The following ATXN8OS variants were observed in gnomAD, a reference collection of about 807,000 sequenced individuals.
ATXN8OS encodes the protein ATXN8 opposite strand (non-protein coding).
chr13:70,107,583 T>C (rs111444961), upstream of ATXN8OS: 1 of 1,603,552 alleles, frequency 6.2e-7, no homozygotes, highest in South Asian at 1.1e-5. Context: ...TGCCGTCCTG[T>C]TGCAGGCAGC....
intron 3 of ATXN8OS, among the ~76,000 whole-genome samples, chr13:70,146,823 G>C (rs1358094503): frequency 6.6e-6 from 1 of 151,834 alleles, no homozygotes; most frequent in African/African-American, 2.4e-5. Flanking sequence ...TAAATGACAA[G>C]TTAATGGGTG....
At chr13:70,135,518 C>A (rs548675923) in intron 3 of ATXN8OS, among the ~76,000 whole-genome samples, 22 of 152,068 alleles carry the variant, frequency 1.4e-4, no homozygotes, top group Non-Finnish European at 2.5e-4. Flanking sequence ...GTGGTAATGT[C>A]CAGATTTCTA....
chr13:70,127,996 T>C (rs914334113), intron 2 of ATXN8OS, among the ~76,000 whole-genome samples: 2 of 152,008 alleles, frequency 1.3e-5, no homozygotes, highest in Non-Finnish European at 2.9e-5. Context: ...TAATGAACAA[T>C]GTTGTTACAT....
chr13:70,107,958 G>T (rs1888117829), exon 1 of ATXN8OS: 1 of 452,146 alleles, frequency 2.2e-6, no homozygotes, highest in Non-Finnish European at 3.9e-6. Flanking sequence ...GCAGAGGCAG[G>T]ACTGGGACGC....
intron 1 of ATXN8OS, among the ~76,000 whole-genome samples, chr13:70,113,309 A>C (rs1411714507): frequency 7.1e-6 from 1 of 140,920 alleles, no homozygotes; most frequent in Non-Finnish European, 1.6e-5. Context: ...AGATATAGAT[A>C]AATGTAATAT....
At chr13:70,159,554 G>T (rs899973117) in intron 4 of ATXN8OS, among the ~76,000 whole-genome samples, 1 of 151,946 alleles carries the variant, frequency 6.6e-6, no homozygotes, top group Non-Finnish European at 1.5e-5. Flanking sequence ...ATTCCCACGT[G>T]CATACCATAC....
chr13:70,160,943 G>A (rs1399040588), intron 4 of ATXN8OS, among the ~76,000 whole-genome samples: 1 of 150,182 alleles, frequency 6.7e-6, no homozygotes, highest in Non-Finnish European at 1.5e-5. Context: ...ACTTTCAGGT[G>A]GACCGACACA....
Position 70,131,212 on chromosome 13 carries a change from C to CATGT in ATXN8OS, n.499+1331_499+1334dup, listed in dbSNP as rs371891000. On this transcript the variant is annotated intron_variant and non_coding_transcript_variant, in intron 3 of 4. Transcript: ENST00000678624. ...AGAAGTATATCTGTCACAATGTGTA[C>CATGT]ATGTATACATCCTAAATATTTGTAC... is the stretch of plus-strand genomic sequence containing the variant. 5.4e-5 allele frequency: 21 copies of CATGT among 390,936 alleles called. 1 individual carries two copies. Among genetic ancestry groups the CATGT allele is most frequent in the African/African-American group, 4.4e-4 (20 of 45,522 alleles). The allele number at this position is 390,936 out of a possible 1,614,324, so 24.2% of individuals were successfully genotyped here. A position where few individuals can be genotyped will look rare whatever the true frequency, so the allele number is the denominator to read the frequency against.
chr13:70,107,577 G>A (rs141447437), upstream of ATXN8OS: 128 of 1,605,060 alleles, frequency 8.0e-5, 2 homozygotes, highest in Middle Eastern at 6.7e-4. Context: ...TGCCACTGCC[G>A]TCCTGTTGCA....
At chr13:70,149,632 T>C (rs985578877) in intron 4 of ATXN8OS, among the ~76,000 whole-genome samples, 3 of 152,156 alleles carry the variant, frequency 2.0e-5, no homozygotes, top group African/African-American at 7.2e-5. Context: ...TACTTAAATA[T>C]TTACTGAATA....
chr13:70,130,105 T>C (rs1044473029), intron 3 of ATXN8OS, among the ~76,000 whole-genome samples: 1 of 152,162 alleles, frequency 6.6e-6, no homozygotes, highest in Non-Finnish European at 1.5e-5. Context: ...TAAGCTTCAC[T>C]AAGTATCCAG....
At chr13:70,140,326 A>G (rs1444534800) in intron 3 of ATXN8OS, among the ~76,000 whole-genome samples, 1 of 152,110 alleles carries the variant, frequency 6.6e-6, no homozygotes, top group East Asian at 1.9e-4. Context: ...GATAAATTTG[A>G]AGAATTTATT....
intron 2 of ATXN8OS, among the ~76,000 whole-genome samples, chr13:70,120,830 C>A (rs1225200331): frequency 1.4e-5 from 2 of 147,180 alleles, no homozygotes; most frequent in South Asian, 2.2e-4. Flanking sequence ...GACAAAAAAC[C>A]AAACATCACA....
chr13:70,108,166 C>T (rs569396846), intron 1 of ATXN8OS: 11 of 399,740 alleles, frequency 2.8e-5, no homozygotes, highest in African/African-American at 8.2e-5. Context: ...CTTGTCCTTG[C>T]AGCTCAGAGT....
chr13:70,120,635 A>G (rs923973620), intron 2 of ATXN8OS, among the ~76,000 whole-genome samples: 3 of 152,320 alleles, frequency 2.0e-5, no homozygotes, highest in African/African-American at 7.2e-5. Flanking sequence ...AAATAGCTCA[A>G]TGTTTTGGTA....
At chr13:70,147,372 G>A (rs1021125286) in exon 4 of ATXN8OS, among the ~76,000 whole-genome samples, 2 of 152,094 alleles carry the variant, frequency 1.3e-5, no homozygotes, top group African/African-American at 2.4e-5. Context: ...TCTGGATAAA[G>A]TGCGAAGGAG....
intron 4 of ATXN8OS, among the ~76,000 whole-genome samples, chr13:70,152,443 ATGTATG>A (rs996281366): frequency 2.6e-4 from 39 of 151,950 alleles, no homozygotes; most frequent in African/African-American, 8.7e-4. Context: ...ATATATGTGT[ATGTATG>A]TGTATATGTG....
chr13:70,135,584 G>A (rs1888602150), intron 3 of ATXN8OS, among the ~76,000 whole-genome samples: 1 of 152,036 alleles, frequency 6.6e-6, no homozygotes, highest in Non-Finnish European at 1.5e-5. Context: ...TTCCTACTGG[G>A]AAGTTCTGAC....
intron 3 of ATXN8OS, chr13:70,139,548 T>A (rs1888677814): frequency 2.1e-6 from 1 of 486,742 alleles, no homozygotes. Flanking sequence ...AGAATTGATT[T>A]TTCAATACAT....
Sources: allele counts gnomAD v4.1 joint callset (sites outside exome capture counted in the v4.1 genomes callset), GRCh38; gene constraint gnomAD v4.1.1; transcripts MANE v1.5; gene names NCBI Gene and HGNC (gene_info 2026-07-23, HGNC 2026-07-21).